Variants in THSD7A observed in about 807,000 individuals in gnomAD.
The protein encoded by THSD7A is thrombospondin type 1 domain containing 7A.
A neutral mutation model predicts 231.3 loss-of-function variants in THSD7A; 96 were observed. That is an observed-to-expected ratio of 0.41 (90% CI 0.35 to 0.49). The LOEUF (loss-of-function observed/expected upper bound fraction) is 0.49, where lower values mean the gene tolerates loss of function less well. Among genes scored for constraint, THSD7A ranks in the 20% least tolerant of loss-of-function variants. The pLI, the probability that THSD7A is intolerant of heterozygous loss-of-function variation, is 0.05. For missense variants in THSD7A, 2,290 were observed against 2,070.2 expected (o/e 1.11, Z -2.06); for synonymous variants, 940 against 743.3 (o/e 1.26, Z -4.30).
intron 4 of THSD7A, among the ~76,000 whole-genome samples, chr7:11,548,058 A>T (rs1789471527): frequency 6.6e-6 from 1 of 152,140 alleles, no homozygotes; most frequent in African/African-American, 2.4e-5. Context: ...CAAGCAAAAC[A>T]ATGACCAAAC....
chr7:11,805,449 T>G (rs898774543), intron 1 of THSD7A, among the ~76,000 whole-genome samples: 2 of 152,134 alleles, frequency 1.3e-5, no homozygotes, highest in Non-Finnish European at 2.9e-5. Context: ...CTACACAGAT[T>G]TTAGTGGTCT....
chr7:11,705,833 T>TC (rs1371746062), intron 1 of THSD7A, among the ~76,000 whole-genome samples: 1 of 150,976 alleles, frequency 6.6e-6, no homozygotes, highest in Non-Finnish European at 1.5e-5. Context: ...TCCATATTGT[T>TC]CCAATATTGA....
At chr7:11,818,702 G>A (rs1209453027) in intron 1 of THSD7A, among the ~76,000 whole-genome samples, 1 of 152,152 alleles carries the variant, frequency 6.6e-6, no homozygotes, top group Non-Finnish European at 1.5e-5. Flanking sequence ...GGATACAGGA[G>A]GTATGTATTA....
At chr7:11,468,540 CT>C (rs1180648427) in intron 9 of THSD7A, among the ~76,000 whole-genome samples, 1 of 152,088 alleles carries the variant, frequency 6.6e-6, no homozygotes, top group Non-Finnish European at 1.5e-5. Context: ...TCTTAAAAGA[CT>C]CCTAAATAAA....
At chr7:11,685,975 C>T (rs905977333) in intron 1 of THSD7A, among the ~76,000 whole-genome samples, 1 of 151,858 alleles carries the variant, frequency 6.6e-6, no homozygotes, top group Non-Finnish European at 1.5e-5. Context: ...ACTTGGTGCC[C>T]ATTAATGGTG....
At chr7:11,577,819 G>A (rs16876989) in intron 4 of THSD7A, among the ~76,000 whole-genome samples, 1 of 151,844 alleles carries the variant, frequency 6.6e-6, no homozygotes, top group Non-Finnish European at 1.5e-5. Context: ...CTAACAATCC[G>A]AGGGTTACTA....
In THSD7A at chr7:11,738,640, G is replaced by A. The variant is rs572678721; in HGVS notation, c.190+93117C>T. 1.4e-4 allele frequency among the ~76,000 whole-genome samples: 21 copies of A among 151,966 alleles called. No homozygotes were observed. The South Asian group carries it at 2.1e-3, about 15-fold the overall frequency. ...GTAGGCAGAATAATGTCTCCTCCCCGCAATCCCTATGATCTGTGATCACAA... is the reference window on the plus strand; with the variant it reads ...GTAGGCAGAATAATGTCTCCTCCCCACAATCCCTATGATCTGTGATCACAA... On this transcript the variant is annotated intron_variant, in intron 1 of 27. Coordinates refer to ENST00000423059, the MANE Select transcript of THSD7A (RefSeq NM_015204.3).
At chr7:11,621,380 C>A (rs1053042021) in intron 2 of THSD7A, among the ~76,000 whole-genome samples, 1 of 152,060 alleles carries the variant, frequency 6.6e-6, no homozygotes, top group Non-Finnish European at 1.5e-5. Context: ...TACTTTCTAC[C>A]TTTTGCTTTC....
chr7:11,440,155 C>A (rs1784758260), intron 13 of THSD7A, among the ~76,000 whole-genome samples: 1 of 151,920 alleles, frequency 6.6e-6, no homozygotes, highest in Non-Finnish European at 1.5e-5. Context: ...ACAACAAAGC[C>A]TGGATGATAC....
chr7:11,649,632 T>C (rs952583147), intron 1 of THSD7A, among the ~76,000 whole-genome samples: 1 of 151,958 alleles, frequency 6.6e-6, no homozygotes, highest in Non-Finnish European at 1.5e-5. Flanking sequence ...GCCCTAAAAG[T>C]GACTGCCAGT....
chr7:11,426,717 G>T, intron 14 of THSD7A, 46 bp from the exon 15 acceptor site: 6 of 1,543,612 alleles, frequency 3.9e-6, no homozygotes, highest in Non-Finnish European at 5.2e-6. Context: ...GAGAAATAAG[G>T]TAGGTGAAAA....
chr7:11,756,524 C>T (rs1782682541), intron 1 of THSD7A, among the ~76,000 whole-genome samples: 1 of 151,968 alleles, frequency 6.6e-6, no homozygotes, highest in Non-Finnish European at 1.5e-5. Flanking sequence ...TGGTAATTAA[C>T]AGGTCCTCAG....
chr7:11,378,831 T>C (rs972677462), intron 26 of THSD7A: 7 of 493,294 alleles, frequency 1.4e-5, no homozygotes, highest in Non-Finnish European at 2.5e-5. Flanking sequence ...TGAATTGAAT[T>C]ATATTGATCC....
In THSD7A at chr7:11,426,531, CT is replaced by C. The variant is rs1784326583; in HGVS notation, c.3249+134del. ...AATAAAACAGTTATAGAAAAAAATT[CT>C]TTAATGGAAAATATGACATTTTCTC... On this transcript the variant is annotated intron_variant, in intron 15 of 27. Transcript: ENST00000423059. 3.1e-6 allele frequency: 3 copies of C among 972,044 alleles called. No individual in the cohort carries two copies. In the South Asian group the frequency reaches 5.8e-5, roughly 19 times the overall value. 60.2% of individuals were successfully genotyped at this position (972,044 alleles called of 1,614,324 possible).
At chr7:11,553,553 G>A (rs1789719965) in intron 4 of THSD7A, among the ~76,000 whole-genome samples, 3 of 151,944 alleles carry the variant, frequency 2.0e-5, no homozygotes, top group Admixed American at 2.0e-4. Context: ...TTTAAGAAAT[G>A]GTTCTTCAGC....
rs547035615 is a variant in THSD7A, at chr7:11,795,615, T to A, written c.190+36142A>T. Among the ~76,000 whole-genome samples the A allele has an allele frequency of 1.3e-4, 20 of 152,132 alleles. No individual in the cohort carries two copies. In the South Asian group the frequency reaches 1.9e-3, roughly 14 times the overall value. On this transcript the variant is annotated intron_variant, in intron 1 of 27. Coordinates refer to ENST00000423059, the MANE Select transcript of THSD7A (RefSeq NM_015204.3). ...TGAAATAAAGATATTTACTTATAATTCAAACATATATTCTATTACAGAATA... is the reference window on the plus strand; with the variant it reads ...TGAAATAAAGATATTTACTTATAATACAAACATATATTCTATTACAGAATA...
At chr7:11,689,214 T>C (rs1780157125) in intron 1 of THSD7A, among the ~76,000 whole-genome samples, 1 of 151,874 alleles carries the variant, frequency 6.6e-6, no homozygotes, top group South Asian at 2.1e-4. Flanking sequence ...TATGACCAAA[T>C]TGGTTAAAGC....
chr7:11,631,723 G>A (rs1411989731), intron 2 of THSD7A, among the ~76,000 whole-genome samples: 1 of 152,106 alleles, frequency 6.6e-6, no homozygotes, highest in Non-Finnish European at 1.5e-5. Flanking sequence ...GCCTGTTTGG[G>A]GATTTGGCTA....
chr7:11,447,317 C>A lies in THSD7A; in HGVS notation c.2713G>T (p.Asp905Tyr). The A allele has an allele frequency of 6.2e-7, 1 of 1,613,016 alleles. No homozygotes were observed. The highest frequency in any genetic ancestry group is 8.5e-7 in the Non-Finnish European group (1 of 1,179,450). Residue 905 changes from aspartate (D) to tyrosine (Y), a missense_variant, in exon 12 of 28, where the codon GAT becomes TAT. By Grantham distance (160) the Asp-to-Tyr change is radical. Coordinates refer to ENST00000423059, the MANE Select transcript of THSD7A (RefSeq NM_015204.3). ...LTQACQIPCQ[D>Y]DCQLTSWSKF... is the part of the protein sequence containing the mutation. ...GACCAGCTGGTCAATTGACAGTCATCCTGGCAGGGGATCTGGCAGGCCTGG... is the reference window on the plus strand; with the variant it reads ...GACCAGCTGGTCAATTGACAGTCATACTGGCAGGGGATCTGGCAGGCCTGG...
Sources: allele counts gnomAD v4.1 joint callset (sites outside exome capture counted in the v4.1 genomes callset), GRCh38; gene constraint gnomAD v4.1.1; transcripts MANE v1.5; gene names NCBI Gene and HGNC (gene_info 2026-07-23, HGNC 2026-07-21).